Variants in TAFA4 observed in about 807,000 individuals in gnomAD.
TAFA4 encodes the protein chemokine-like protein TAFA-4.
Under a neutral mutation model 21.1 loss-of-function variants are expected in TAFA4, and 20 were observed. The observed-to-expected ratio is 0.95, with a 90% CI of 0.67 to 1.38. The LOEUF (loss-of-function observed/expected upper bound fraction) is 1.38, where lower values mean the gene tolerates loss of function less well. TAFA4 is among the 40% of genes most tolerant of loss of function. TAFA4 has a pLI of 0.00. For synonymous variants in TAFA4, 71 were observed against 67.4 expected (o/e 1.05, Z -0.26); for missense variants, 211 against 180.9 (o/e 1.17, Z -0.95).
intron 3 of TAFA4, among the ~76,000 whole-genome samples, chr3:68,757,978 A>G (rs1575597499): frequency 6.6e-6 from 1 of 152,174 alleles, no homozygotes; most frequent in East Asian, 1.9e-4. Flanking sequence ...GCTATGGGGT[A>G]GGTACTGTTT....
At chr3:68,808,992 T>C (rs1215717126) in intron 3 of TAFA4, among the ~76,000 whole-genome samples, 1 of 152,180 alleles carries the variant, frequency 6.6e-6, no homozygotes, top group Non-Finnish European at 1.5e-5. Context: ...GGTACACATG[T>C]CACTTCCACT....
At chr3:68,923,693 C>A (rs893137418) in intron 1 of TAFA4, among the ~76,000 whole-genome samples, 1 of 152,096 alleles carries the variant, frequency 6.6e-6, no homozygotes, top group Non-Finnish European at 1.5e-5. Context: ...CTCCAGATCT[C>A]GGTGAAATTC....
At chr3:68,738,648 G>C (rs1702287191) in intron 5 of TAFA4, among the ~76,000 whole-genome samples, 1 of 152,184 alleles carries the variant, frequency 6.6e-6, no homozygotes, top group Admixed American at 6.5e-5. Context: ...ACGACCACTT[G>C]GGGAGAAAAG....
At chr3:68,834,113 G>T (rs1704465252) in intron 3 of TAFA4, among the ~76,000 whole-genome samples, 1 of 152,192 alleles carries the variant, frequency 6.6e-6, no homozygotes, top group Non-Finnish European at 1.5e-5. Flanking sequence ...TGGTTGATTG[G>T]CAAGTTTGGA....
At chr3:68,744,183 C>G (rs1702409872) in intron 4 of TAFA4, among the ~76,000 whole-genome samples, 1 of 152,182 alleles carries the variant, frequency 6.6e-6, no homozygotes, top group African/African-American at 2.4e-5. Flanking sequence ...ATGAAAGATT[C>G]AAAAGCAGTC....
In TAFA4 at chr3:68,932,522, CCAGGGCGGCGCGCAGCTAG is replaced by C. The variant is rs1403622980; in HGVS notation, c.-424_-406del. Reference sequence around the variant, plus strand: ...CGCGCGCGCAGTCGGTGCGCCCCGTCCAGGGCGGCGCGCAGCTAGCAGTGCGGAGCCGAGCCCAGCTAGC... The same window carrying C: ...CGCGCGCGCAGTCGGTGCGCCCCGTCCAGTGCGGAGCCGAGCCCAGCTAGC... On this transcript the variant is annotated 5_prime_UTR_variant, in exon 1 of 6. Coordinates refer to ENST00000295569, the MANE Select transcript of TAFA4 (RefSeq NM_182522.5). 4.6e-5 allele frequency: 7 copies of C among 152,166 alleles called. No individual in the cohort carries two copies. Among genetic ancestry groups the C allele is most frequent in the Non-Finnish European group, 7.3e-5 (5 of 68,062 alleles). The allele number at this position is 152,166 out of a possible 1,614,324, so 9.4% of individuals were successfully genotyped here.
At chr3:68,798,464 T>C (rs1703500304) in intron 3 of TAFA4, among the ~76,000 whole-genome samples, 1 of 152,194 alleles carries the variant, frequency 6.6e-6, no homozygotes, top group Admixed American at 6.5e-5. Flanking sequence ...AGTAGAACCC[T>C]ATTAGAAATG....
chr3:68,804,016 G>C (rs1288519615), intron 3 of TAFA4, among the ~76,000 whole-genome samples: 3 of 151,808 alleles, frequency 2.0e-5, no homozygotes, highest in South Asian at 4.2e-4. Flanking sequence ...TCGAACTCCT[G>C]ACCTCAGGTG....
chr3:68,746,129 AC>A (rs941390843), intron 4 of TAFA4, among the ~76,000 whole-genome samples: 1 of 152,094 alleles, frequency 6.6e-6, no homozygotes, highest in African/African-American at 2.4e-5. Flanking sequence ...TCTTGGAGTT[AC>A]ACCAGTGGTT....
chr3:68,880,675 A>C, intron 3 of TAFA4, 55 bp downstream of exon 3: 2 of 1,445,666 alleles, frequency 1.4e-6, no homozygotes, highest in Non-Finnish European at 1.9e-6. Context: ...GTGGACTCTG[A>C]CATTTGGAGG....
intron 3 of TAFA4, among the ~76,000 whole-genome samples, chr3:68,806,572 A>G (rs1703704218): frequency 6.6e-6 from 1 of 152,166 alleles, no homozygotes; most frequent in Admixed American, 6.6e-5. Flanking sequence ...TTCATTCAAT[A>G]GTTGTTTACT....
At chr3:68,821,410 A>G (rs560935356) in intron 3 of TAFA4, among the ~76,000 whole-genome samples, 688 of 51,688 alleles carry the variant, frequency 0.013, 221 homozygotes, top group Non-Finnish European at 0.018. Context: ...GCAGTGGCGC[A>G]ATCTCGGCTC....
At position 68,831,194 on chromosome 3, in the gene TAFA4, G is replaced by T. The variant is rs532551443; in HGVS notation, c.130+49536C>A. Among the ~76,000 whole-genome samples, 3 of 152,260 alleles carry T rather than the reference G, an allele frequency of 2.0e-5. No homozygotes were observed. In the South Asian group the frequency reaches 6.2e-4, roughly 32 times the overall value. On this transcript the variant is annotated intron_variant, in intron 3 of 5. Transcript: ENST00000295569. Reference sequence around the variant, plus strand: ...GGGCCTTTAGCCCATTACATTTAAGGTTAATATTGTTATGTGTGAATTTGA... The same window carrying T: ...GGGCCTTTAGCCCATTACATTTAAGTTTAATATTGTTATGTGTGAATTTGA...
intron 3 of TAFA4, among the ~76,000 whole-genome samples, chr3:68,819,722 T>C (rs1260290368): frequency 2.0e-5 from 3 of 152,112 alleles, no homozygotes; most frequent in Non-Finnish European, 4.4e-5. Context: ...AAATGTAAAT[T>C]AAAGCCACAG....
chr3:68,921,226 G>A (rs897261735), intron 1 of TAFA4, among the ~76,000 whole-genome samples: 2 of 152,084 alleles, frequency 1.3e-5, no homozygotes, highest in African/African-American at 2.4e-5. Flanking sequence ...CTCTGGAGAC[G>A]AAGGAGGTTA....
chr3:68,850,705 G>A lies in TAFA4; in HGVS notation c.130+30025C>T, dbSNP rs550291448. ...GAATGCTTTCTTTTGAGAAGTGTTC[G>A]TGTCCTTTGCCCATTTTTAACAGGG... On this transcript the variant is annotated intron_variant, in intron 3 of 5. Transcript: ENST00000295569. 3.7e-4 allele frequency among the ~76,000 whole-genome samples: 55 copies of A among 150,124 alleles called. 1 individual carries two copies. The highest frequency in any genetic ancestry group is 1.2e-3 in the African/African-American group (50 of 40,602).
chr3:68,891,180 C>T (rs577473595), intron 1 of TAFA4, among the ~76,000 whole-genome samples: 9 of 152,222 alleles, frequency 5.9e-5, no homozygotes, highest in African/African-American at 1.7e-4. Context: ...TAAATTACTT[C>T]GGTTGATTTC....
At chr3:68,921,368 TGAA>T (rs1361069867) in intron 1 of TAFA4, among the ~76,000 whole-genome samples, 1 of 151,758 alleles carries the variant, frequency 6.6e-6, no homozygotes, top group African/African-American at 2.4e-5. Context: ...TTTAAACAAG[TGAA>T]GAAAAAAAAG....
At chr3:68,907,385 G>C (rs2062863900) in intron 1 of TAFA4, among the ~76,000 whole-genome samples, 1 of 152,174 alleles carries the variant, frequency 6.6e-6, no homozygotes, top group Non-Finnish European at 1.5e-5. Context: ...CTCTTCAGCT[G>C]CTGATACAAG....
Sources: gnomAD v4.1 joint callset for allele counts (sites outside exome capture counted in the v4.1 genomes callset) on GRCh38, gnomAD v4.1.1 for gene constraint, MANE v1.5 for transcripts, NCBI Gene and HGNC (gene_info 2026-07-23, HGNC 2026-07-21) for gene names.